KIF26B: variants seen among roughly 807,000 people sequenced by gnomAD.
KIF26B encodes kinesin family member 26B.
Under a neutral mutation model 151.2 loss-of-function variants are expected in KIF26B, and 63 were observed. The ratio of observed to expected loss-of-function variants is 0.42; its 90% CI spans 0.34 to 0.51. The LOEUF (loss-of-function observed/expected upper bound fraction) is 0.51. Ranked by LOEUF, KIF26B falls within the 20% of genes least tolerant of loss-of-function variation. The probability of loss-of-function intolerance (pLI) is 0.07; values close to 1 mark genes in which losing one functional copy is unlikely to be tolerated. For missense variants in KIF26B, 2,813 were observed against 2,913.6 expected (o/e 0.97, Z 0.79); for synonymous variants, 1,357 against 1,262.1 (o/e 1.08, Z -1.59).
rs2147973730 is a variant in KIF26B, at chr1:245,703,893, A to G, written c.*1287A>G. 6.6e-6 allele frequency: 1 copy of G among 152,284 alleles called. No individual in the cohort carries two copies. The highest frequency in any genetic ancestry group is 2.1e-4 in the South Asian group (1 of 4,824). 9.4% of individuals were successfully genotyped at this position (152,284 alleles called of 1,614,324 possible). A position where few individuals can be genotyped will look rare whatever the true frequency, so the allele number is the denominator to read the frequency against. On this transcript the variant is annotated 3_prime_UTR_variant, in exon 15 of 15. Transcript: ENST00000407071. ...TCCTCTCAGTCTTTGCTCCTGCCCAAAGGCAGAGAGAGCTTCCCCTCCATA... is the reference window on the plus strand; with the variant it reads ...TCCTCTCAGTCTTTGCTCCTGCCCAGAGGCAGAGAGAGCTTCCCCTCCATA...
At position 245,686,321 on chromosome 1, in the gene KIF26B, T is replaced by C; in HGVS notation, c.3338T>C (p.Val1113Ala). 2 of 1,613,082 alleles carry C rather than the reference T, an allele frequency of 1.2e-6. No individual in the cohort carries two copies. Among genetic ancestry groups the C allele is most frequent in the Non-Finnish European group, 1.7e-6 (2 of 1,179,826 alleles). The change falls in exon 12 of 15, where the codon GTG becomes GCG. Residue 1113 changes from valine to alanine, a missense_variant. By Grantham distance (64) the Val-to-Ala change is moderately conservative. This residue lies in a region of KIF26B where 2,060 missense variants were observed against 2,088.6 expected (regional missense o/e 0.99). Coordinates refer to ENST00000407071, the MANE Select transcript of KIF26B (RefSeq NM_018012.4). This position sits in a 1 kb window ranked among gnomAD's most constrained non-coding sequence, Gnocchi z 5.6. Reference protein sequence around the residue: ...PLPPSSKDSGVASRESLLQPE... With the variant: ...PLPPSSKDSGAASRESLLQPE... ...CCTCCCTCGAGCAAGGATTCCGGCG[T>C]GGCGTCTAGGGAGTCCTTGCTGCAG...
chr1:245,334,322 A>G (rs1048131643), intron 2 of KIF26B, among the ~76,000 whole-genome samples: 2 of 152,202 alleles, frequency 1.3e-5, no homozygotes, highest in African/African-American at 2.4e-5. Context: ...TGTTATGAAA[A>G]TGTTCGTTCC....
At chr1:245,568,678 G>T (rs1327380394) in intron 5 of KIF26B, among the ~76,000 whole-genome samples, 1 of 152,168 alleles carries the variant, frequency 6.6e-6, no homozygotes, top group Non-Finnish European at 1.5e-5. Context: ...TCTCATGGGG[G>T]TACCTTAAGA....
intron 7 of KIF26B, among the ~76,000 whole-genome samples, chr1:245,608,779 T>C (rs923353196): frequency 5.9e-5 from 9 of 152,002 alleles, no homozygotes; most frequent in Admixed American, 4.6e-4. Context: ...TTTTAAGAGA[T>C]GGCTCTCAGT....
At chr1:245,621,480 C>G (rs979464610) in intron 9 of KIF26B, among the ~76,000 whole-genome samples, 4 of 152,082 alleles carry the variant, frequency 2.6e-5, no homozygotes, top group Admixed American at 6.5e-5. Flanking sequence ...ATATTGTTTC[C>G]TGTGGGTAGA....
chr1:245,628,287 A>G (rs1449066922), intron 9 of KIF26B, among the ~76,000 whole-genome samples: 1 of 152,220 alleles, frequency 6.6e-6, no homozygotes, highest in African/African-American at 2.4e-5. Context: ...GTTCGAGACC[A>G]GCCTGCCAAC....
intron 2 of KIF26B, among the ~76,000 whole-genome samples, chr1:245,307,857 C>T (rs1458506581): frequency 6.6e-6 from 1 of 152,074 alleles, no homozygotes; most frequent in Admixed American, 6.5e-5. Context: ...TCTCCTGCCT[C>T]AGCCTCCCAA....
rs1362733314 is a variant in KIF26B at position 245,560,145 on chromosome 1, C to A, written c.1350+19195C>A. ...CTGTGCCTGTGTCCCCTACTCCAGA[C>A]CGTGAGTTGTGGATGAAAGGGGCTG... On this transcript the variant is annotated intron_variant, in intron 5 of 14. Transcript: ENST00000407071. The surrounding 1 kb of genome is among the most constrained non-coding windows in gnomAD (Gnocchi z 4.3). 6.6e-6 allele frequency among the ~76,000 whole-genome samples: 1 copy of A among 152,154 alleles called. No homozygotes were observed. Among genetic ancestry groups the A allele is most frequent in the Admixed American group, 6.5e-5 (1 of 15,284 alleles).
intron 2 of KIF26B, among the ~76,000 whole-genome samples, chr1:245,302,527 AGTG>A (rs1558381177): frequency 2.0e-5 from 3 of 152,350 alleles, no homozygotes; most frequent in Non-Finnish European, 1.5e-5. Context: ...TGTTGAAGGC[AGTG>A]GTGCCATCAA....
intron 2 of KIF26B, among the ~76,000 whole-genome samples, chr1:245,212,830 A>G (rs1035027741): frequency 6.6e-6 from 1 of 152,248 alleles, no homozygotes; most frequent in South Asian, 2.1e-4. Flanking sequence ...GGAGCACTTC[A>G]TACCCATGAA....
At position 245,609,525 on chromosome 1, in the gene KIF26B, G is replaced by A. The variant is rs768851445; in HGVS notation, c.1911G>A (p.Thr637=). 1.0e-5 allele frequency: 16 copies of A among 1,535,248 alleles called. No homozygotes were observed. In the East Asian group the frequency reaches 2.8e-4, roughly 27 times the overall value. ...VYLCEDPICG[T]QLQNQSELRA... is the part of the protein sequence containing the mutation. Reference sequence around the variant, plus strand: ...TCTGTGAGGACCCCATCTGCGGCACGCAGGTGATTGCTTCTGAAGCCTGGC... The same window carrying A: ...TCTGTGAGGACCCCATCTGCGGCACACAGGTGATTGCTTCTGAAGCCTGGC... Residue 637 remains threonine, a synonymous_variant, in exon 8 of 15, where the codon ACG becomes ACA. Coordinates refer to ENST00000407071, the MANE Select transcript of KIF26B (RefSeq NM_018012.4).
At chr1:245,160,768 G>C (rs1161750848) in intron 2 of KIF26B, among the ~76,000 whole-genome samples, 1 of 152,140 alleles carries the variant, frequency 6.6e-6, no homozygotes, top group East Asian at 1.9e-4. Flanking sequence ...ACTGAGAAGG[G>C]TGGCCAGGAA....
intron 10 of KIF26B, among the ~76,000 whole-genome samples, chr1:245,653,642 A>T (rs1412339642): frequency 6.6e-6 from 1 of 152,120 alleles, no homozygotes; most frequent in East Asian, 1.9e-4. Flanking sequence ...CTCCCAGTTT[A>T]TCACCCCCCA....
intron 4 of KIF26B, among the ~76,000 whole-genome samples, chr1:245,485,763 G>A (rs1232003574): frequency 1.7e-4 from 26 of 152,354 alleles, no homozygotes; most frequent in Middle Eastern, 3.4e-3. Flanking sequence ...GCGATGCTGT[G>A]TAGCCGTTTT....
At chr1:245,465,180 A>G (rs1244149970) in intron 4 of KIF26B, among the ~76,000 whole-genome samples, 12 of 152,154 alleles carry the variant, frequency 7.9e-5, no homozygotes, top group East Asian at 7.8e-4. Context: ...GGGTTTCCCC[A>G]TGTTGGCCAG....
intron 4 of KIF26B, among the ~76,000 whole-genome samples, chr1:245,446,320 C>T (rs545344961): frequency 4.1e-4 from 63 of 152,310 alleles, no homozygotes; most frequent in African/African-American, 1.2e-3. Context: ...TTGACCAAAA[C>T]GTTGTTCTGT....
rs1055171633 is a variant in KIF26B, at chr1:245,557,267, C to T, written c.1350+16317C>T. On this transcript the variant is annotated intron_variant, in intron 5 of 14. Coordinates refer to ENST00000407071, the MANE Select transcript of KIF26B (RefSeq NM_018012.4). The stretch of plus-strand genomic sequence containing the variant: ...CTTGGCAGAACAGTCTGAACAGGTG[C>T]GTAGATTTTAAGTAGACTTGAATTT... Among the ~76,000 whole-genome samples the T allele has an allele frequency of 4.8e-4, 73 of 152,150 alleles. 1 individual carries two copies. Among genetic ancestry groups the T allele is most frequent in the African/African-American group, 1.7e-3 (70 of 41,442 alleles).
At chr1:245,638,371 G>GT (rs954343493) in intron 9 of KIF26B, among the ~76,000 whole-genome samples, 1 of 151,820 alleles carries the variant, frequency 6.6e-6, no homozygotes, top group Non-Finnish European at 1.5e-5. Context: ...AGTTCTAAAA[G>GT]TTTTTTGGTG....
At chr1:245,533,644 A>G (rs1372029218) in intron 4 of KIF26B, among the ~76,000 whole-genome samples, 5 of 152,196 alleles carry the variant, frequency 3.3e-5, no homozygotes, top group Admixed American at 1.3e-4. Flanking sequence ...TGCTAGGTCA[A>G]TATTTTAGTA....
Sources: allele counts gnomAD v4.1 joint callset (sites outside exome capture counted in the v4.1 genomes callset), GRCh38; gene constraint gnomAD v4.1.1; regional missense constraint gnomAD v4.1.1; non-coding constraint Gnocchi (gnomAD v3.1); transcripts MANE v1.5; gene names NCBI Gene and HGNC (gene_info 2026-07-23, HGNC 2026-07-21).